The following AGBL1 variants were observed in gnomAD, a reference collection of about 807,000 sequenced individuals.
AGBL1 encodes the protein cytosolic carboxypeptidase 4.
In AGBL1, 130 loss-of-function variants were observed where a neutral mutation model predicts 118.9. The ratio of observed to expected loss-of-function variants is 1.09; its 90% CI spans 0.95 to 1.26. AGBL1 has a LOEUF of 1.26. AGBL1 is among the 50% of genes most tolerant of loss of function. AGBL1 has a pLI of 0.00. For missense variants in AGBL1, 1,584 were observed against 1,298.1 expected, an observed-to-expected ratio of 1.22 and a Z score of -3.38; for synonymous variants, 555 against 478.9, an observed-to-expected ratio of 1.16 and a Z score of -2.08.
intron 23 of AGBL1, chr15:86,933,014 A>C (rs1465811505): frequency 6.6e-6 from 1 of 152,230 alleles, no homozygotes; most frequent in African/African-American, 2.4e-5. Context: ...GTGAATATGC[A>C]GTTGAATAAA....
rs189861846 is a variant in AGBL1 at position 86,136,200 on chromosome 15, C to G, written c.52-5804C>G. Among the ~76,000 whole-genome samples the G allele has an allele frequency of 2.6e-3, 394 of 152,296 alleles. 3 individuals carry two copies. Among genetic ancestry groups the G allele is most frequent in the Non-Finnish European group, 3.5e-3 (239 of 68,030 alleles). On this transcript the variant is annotated intron_variant, in intron 1 of 22. Transcript: ENST00000614907. ...ATTTACCTACCCACAAAATCCATAG[C>G]TAGAATTAAAAGGCCATTGTTCTAA...
intron 21 of AGBL1, among the ~76,000 whole-genome samples, chr15:86,637,273 G>A (rs2085112676): frequency 6.6e-6 from 1 of 152,138 alleles, no homozygotes; most frequent in Admixed American, 6.6e-5. Context: ...AGAGTGGAGG[G>A]TCATGAAAAG....
intron 18 of AGBL1, among the ~76,000 whole-genome samples, chr15:86,426,014 T>A (rs1306619795): frequency 6.6e-6 from 1 of 151,956 alleles, no homozygotes; most frequent in Non-Finnish European, 1.5e-5. Context: ...GCCAACCCCA[T>A]GGGAGAGGTA....
At chr15:86,349,036 A>G (rs2080584365) in intron 17 of AGBL1, among the ~76,000 whole-genome samples, 1 of 152,178 alleles carries the variant, frequency 6.6e-6, no homozygotes, top group African/African-American at 2.4e-5. Flanking sequence ...GACATAGAGA[A>G]AAGATGGCAA....
intron 21 of AGBL1, among the ~76,000 whole-genome samples, chr15:86,646,951 G>C (rs1022206521): frequency 1.3e-5 from 2 of 152,042 alleles, no homozygotes; most frequent in African/African-American, 4.8e-5. Flanking sequence ...GTTTTTTAAA[G>C]TGTCATGACA....
intron 19 of AGBL1, among the ~76,000 whole-genome samples, chr15:86,532,016 A>C (rs2083356403): frequency 6.6e-6 from 1 of 151,840 alleles, no homozygotes; most frequent in African/African-American, 2.4e-5. Flanking sequence ...ACTGAATGGG[A>C]AAAACTGGAA....
At chr15:86,120,900 ATT>A (rs201787520) in intron 1 of AGBL1, among the ~76,000 whole-genome samples, 5 of 141,876 alleles carry the variant, frequency 3.5e-5, no homozygotes, top group Admixed American at 7.1e-5. Context: ...GCTTTTATGG[ATT>A]TTTTTTTTTT....
intron 23 of AGBL1, among the ~76,000 whole-genome samples, chr15:86,926,037 A>T (rs1040264195): frequency 4.6e-5 from 7 of 152,100 alleles, no homozygotes; most frequent in African/African-American, 1.7e-4. Context: ...GATCAGGGAA[A>T]GCAGGAGAAC....
At chr15:86,167,550 A>G (rs1484799341) in intron 5 of AGBL1, among the ~76,000 whole-genome samples, 2 of 152,184 alleles carry the variant, frequency 1.3e-5, no homozygotes, top group African/African-American at 4.8e-5. Context: ...CTGGCCCGGG[A>G]ACTGATATTT....
At chr15:86,185,812 G>A (rs917851147) in intron 5 of AGBL1, among the ~76,000 whole-genome samples, 2 of 152,006 alleles carry the variant, frequency 1.3e-5, no homozygotes, top group Non-Finnish European at 2.9e-5. Context: ...TGTAAATGAC[G>A]AGTTAATGGG....
intron 16 of AGBL1, among the ~76,000 whole-genome samples, chr15:86,290,189 A>AT (rs914086884): frequency 1.3e-5 from 2 of 152,030 alleles, no homozygotes; most frequent in African/African-American, 4.8e-5. Flanking sequence ...CTAAAGAATT[A>AT]TTTTTTAATG....
At chr15:86,210,754 T>C (rs2078079772) in intron 5 of AGBL1, among the ~76,000 whole-genome samples, 1 of 152,170 alleles carries the variant, frequency 6.6e-6, no homozygotes, top group South Asian at 2.1e-4. Context: ...TTGAGATGGG[T>C]TCGAACATCC....
At chr15:86,295,154 A>G (rs77428017) in intron 16 of AGBL1, 101 bp from the exon 17 acceptor site, 22,465 of 1,390,484 alleles carry the variant, frequency 0.016, 247 homozygotes, top group Middle Eastern at 0.018. Flanking sequence ...GATTAGATTA[A>G]CAACAATACT....
intron 22 of AGBL1, among the ~76,000 whole-genome samples, chr15:86,744,420 T>C (rs1051750196): frequency 1.3e-5 from 2 of 152,108 alleles, no homozygotes; most frequent in African/African-American, 4.8e-5. Context: ...TGATCTGCTA[T>C]TGAAGCTGGA....
chr15:86,935,249 C>A (rs554143025), intron 23 of AGBL1: 1 of 152,116 alleles, frequency 6.6e-6, no homozygotes, highest in Non-Finnish European at 1.5e-5. Context: ...GAGGGTCGTT[C>A]AGTGTTTTAC....
chr15:86,182,818 A>G (rs2077572167), intron 5 of AGBL1, among the ~76,000 whole-genome samples: 1 of 152,140 alleles, frequency 6.6e-6, no homozygotes, highest in Non-Finnish European at 1.5e-5. Flanking sequence ...AAAGAAGCAA[A>G]AGGAAACCCT....
At chr15:86,396,243 G>GTGTGTATATA (rs928214589) in intron 17 of AGBL1, among the ~76,000 whole-genome samples, 14 of 126,624 alleles carry the variant, frequency 1.1e-4, no homozygotes, top group African/African-American at 4.0e-4. Context: ...GTGTGTGTGT[G>GTGTGTATATA]TATATATATA....
chr15:86,490,922 G>C (rs967826502), intron 18 of AGBL1, among the ~76,000 whole-genome samples: 3 of 152,246 alleles, frequency 2.0e-5, no homozygotes, highest in Admixed American at 1.3e-4. Flanking sequence ...AAATCTAGAT[G>C]ATGATTGTAT....
At chr15:86,625,300 G>C (rs2084866277) in intron 21 of AGBL1, among the ~76,000 whole-genome samples, 1 of 147,890 alleles carries the variant, frequency 6.8e-6, no homozygotes, top group African/African-American at 2.5e-5. Flanking sequence ...GTCTTATTTG[G>C]TTAGACATTT....
Sources: allele counts gnomAD v4.1 joint callset (sites outside exome capture counted in the v4.1 genomes callset), GRCh38; gene constraint gnomAD v4.1.1; transcripts MANE v1.5; gene names NCBI Gene and HGNC (gene_info 2026-07-23, HGNC 2026-07-21).